The following PCDH9 variants were observed in gnomAD, a reference collection of about 807,000 sequenced individuals.
PCDH9 encodes the protein protocadherin-9.
PCDH9 carries 24 observed loss-of-function variants against 70.6 expected under a neutral mutation model. The observed-to-expected ratio is 0.34, with a 90% CI of 0.25 to 0.48. PCDH9 has a LOEUF of 0.48. Among genes scored for constraint, PCDH9 ranks in the 20% least tolerant of loss-of-function variants. The pLI, the probability that PCDH9 is intolerant of heterozygous loss-of-function variation, is 0.99. For synonymous variants in PCDH9, 562 were observed against 558.5 expected, an observed-to-expected ratio of 1.01 and a Z score of -0.09; for missense variants, 1,281 against 1,503.6, an observed-to-expected ratio of 0.85 and a Z score of 2.45.
chr13:66,451,909 C>A (rs1566336216), intron 4 of PCDH9, among the ~76,000 whole-genome samples: 1 of 152,152 alleles, frequency 6.6e-6, no homozygotes, highest in Non-Finnish European at 1.5e-5. Context: ...CAATAACTAT[C>A]TTTTTCAATA....
chr13:66,871,829 AC>A (rs548052420), intron 3 of PCDH9, among the ~76,000 whole-genome samples: 28 of 148,742 alleles, frequency 1.9e-4, no homozygotes, highest in East Asian at 4.0e-4. Context: ...TTTCATTACC[AC>A]CCCCCCCTCA....
intron 3 of PCDH9, among the ~76,000 whole-genome samples, chr13:66,829,792 T>C (rs1165894031): frequency 6.7e-6 from 1 of 149,240 alleles, no homozygotes; most frequent in Non-Finnish European, 1.5e-5. Context: ...TCTAGAAATC[T>C]GGGGTTCTAT....
At chr13:66,762,577 T>C (rs2139253573) in intron 3 of PCDH9, among the ~76,000 whole-genome samples, 1 of 152,128 alleles carries the variant, frequency 6.6e-6, no homozygotes, top group East Asian at 1.9e-4. Context: ...TTTTTTCCTG[T>C]CATTATGCAA....
intron 4 of PCDH9, among the ~76,000 whole-genome samples, chr13:66,326,638 C>T (rs907414044): frequency 6.6e-6 from 1 of 151,992 alleles, no homozygotes; most frequent in African/African-American, 2.4e-5. Context: ...AGGCTGATCT[C>T]CAACTCCTGG....
At position 66,498,021 on chromosome 13, in the gene PCDH9, T is replaced by C. The variant is rs150948452; in HGVS notation, c.3340+133189A>G. Among the ~76,000 whole-genome samples, 1,059 of 152,034 alleles carry C rather than the reference T, an allele frequency of 7.0e-3. 33 individuals are homozygous for C. In the East Asian group the frequency reaches 0.091, roughly 13 times the overall value. On this transcript the variant is annotated intron_variant, in intron 4 of 4. Transcript: ENST00000377865. ...TTTTAGTAGAGATGGGGTTTCGCCATGTTGGCCAGGCTGGTCTGGAACTCC... is the reference window on the plus strand; with the variant it reads ...TTTTAGTAGAGATGGGGTTTCGCCACGTTGGCCAGGCTGGTCTGGAACTCC...
chr13:67,026,505 AGACAG>A (rs2084784689), intron 2 of PCDH9, among the ~76,000 whole-genome samples: 1 of 152,148 alleles, frequency 6.6e-6, no homozygotes, highest in African/African-American at 2.4e-5. Flanking sequence ...AACTGGCATC[AGACAG>A]GGATGCCCTC....
intron 4 of PCDH9, among the ~76,000 whole-genome samples, chr13:66,452,399 C>T (rs2138430630): frequency 6.6e-6 from 1 of 152,248 alleles, no homozygotes; most frequent in Non-Finnish European, 1.5e-5. Flanking sequence ...AACATTTTAG[C>T]ATTTTCCCCA....
intron 2 of PCDH9, among the ~76,000 whole-genome samples, chr13:66,982,841 T>G (rs1267599877): frequency 2.6e-5 from 4 of 152,240 alleles, no homozygotes; most frequent in Non-Finnish European, 5.9e-5. Flanking sequence ...AATGTATTTT[T>G]CAAAATAATA....
intron 2 of PCDH9, among the ~76,000 whole-genome samples, chr13:67,076,199 T>C (rs1172690115): frequency 2.6e-5 from 4 of 152,138 alleles, no homozygotes; most frequent in African/African-American, 9.7e-5. Flanking sequence ...TTTACTGTTA[T>C]TATTTCAGTT....
rs561961048 is a variant in PCDH9 at position 66,439,260 on chromosome 13, G to A, written c.3341-134232C>T. ...TCTGAGATGGCCGCTTCTCATCTGC[G>A]TGAACTTCAGAAGAAAATTTAATGT... is the stretch of plus-strand genomic sequence containing the variant. On this transcript the variant is annotated intron_variant, in intron 4 of 4. Coordinates refer to ENST00000377865, the MANE Select transcript of PCDH9 (RefSeq NM_203487.3). Among the ~76,000 whole-genome samples, 10 of 152,226 alleles carry A rather than the reference G, an allele frequency of 6.6e-5. No homozygotes were observed. The East Asian group carries it at 1.5e-3, about 24-fold the overall frequency.
At chr13:67,218,429 T>C (rs761100184) in intron 2 of PCDH9, 3 of 152,088 alleles carry the variant, frequency 2.0e-5, no homozygotes, top group Non-Finnish European at 4.4e-5. Flanking sequence ...CCGTTTACAA[T>C]AGAAGCTTAA....
intron 2 of PCDH9, among the ~76,000 whole-genome samples, chr13:66,995,030 C>T (rs1349251425): frequency 6.6e-6 from 1 of 152,196 alleles, no homozygotes; most frequent in African/African-American, 2.4e-5. Context: ...GGCCTTGTCA[C>T]CCACGCACTT....
At chr13:66,673,326 C>T (rs1566496698) in intron 3 of PCDH9, among the ~76,000 whole-genome samples, 1 of 152,146 alleles carries the variant, frequency 6.6e-6, no homozygotes, top group Non-Finnish European at 1.5e-5. Flanking sequence ...GCTCCTCCTT[C>T]GTTCCTCCTT....
intron 3 of PCDH9, among the ~76,000 whole-genome samples, chr13:66,707,052 A>T (rs1049747369): frequency 6.6e-6 from 1 of 152,154 alleles, no homozygotes; most frequent in Non-Finnish European, 1.5e-5. Context: ...ATATGAGCTG[A>T]GGTTCCTTTA....
chr13:66,360,129 G>A (rs1289043969), intron 4 of PCDH9, among the ~76,000 whole-genome samples: 1 of 152,074 alleles, frequency 6.6e-6, no homozygotes, highest in African/African-American at 2.4e-5. Flanking sequence ...CAGAGCTACT[G>A]CACAGTCTCC....
chr13:66,721,872 A>T lies in PCDH9; in HGVS notation c.3139-90461T>A, dbSNP rs531212215. ...GTGCTGCTCTCATTCTGCCTCAAGT[A>T]CTAGAAATTCCTCATATCTCCCAGA... On this transcript the variant is annotated intron_variant, in intron 3 of 4. Transcript: ENST00000377865. Among the ~76,000 whole-genome samples the T allele has an allele frequency of 4.6e-5, 7 of 152,186 alleles. No individual in the cohort carries two copies. The South Asian group carries it at 1.2e-3, about 27-fold the overall frequency.
intron 4 of PCDH9, among the ~76,000 whole-genome samples, chr13:66,488,471 A>T (rs117651936): frequency 0.033 from 4,990 of 152,294 alleles, 133 homozygotes; most frequent in South Asian, 0.11. Context: ...TATTATTTTT[A>T]AAAAGTGATA....
At chr13:66,647,463 G>T (rs530013134) in intron 3 of PCDH9, among the ~76,000 whole-genome samples, 2 of 152,276 alleles carry the variant, frequency 1.3e-5, no homozygotes, top group African/African-American at 4.8e-5. Context: ...GAAAACTGCT[G>T]TCTTGAAGGG....
chr13:66,725,014 C>A (rs897868746), intron 3 of PCDH9, among the ~76,000 whole-genome samples: 1 of 152,226 alleles, frequency 6.6e-6, no homozygotes, highest in Non-Finnish European at 1.5e-5. Context: ...ATAATTCTCT[C>A]CCAGATGGCT....
Sources: gnomAD v4.1 joint callset for allele counts (sites outside exome capture counted in the v4.1 genomes callset) on GRCh38, gnomAD v4.1.1 for gene constraint, MANE v1.5 for transcripts, NCBI Gene and HGNC (gene_info 2026-07-23, HGNC 2026-07-21) for gene names.